The following PLG variants were observed in gnomAD, a reference collection of about 807,000 sequenced individuals.
PLG encodes the protein plasminogen.
PLG carries 41 observed loss-of-function variants against 104.4 expected under a neutral mutation model. The ratio of observed to expected loss-of-function variants is 0.39; its 90% confidence interval spans 0.31 to 0.51. The LOEUF (loss-of-function observed/expected upper bound fraction) is 0.51, where lower values mean the gene tolerates loss of function less well. Among genes scored for constraint, PLG ranks in the 20% least tolerant of loss-of-function variants. The pLI is 0.76. For synonymous variants in PLG, 337 were observed against 357.1 expected (o/e 0.94, Z 0.63); for missense variants, 891 against 1,003.6 (o/e 0.89, Z 1.52).
chr6:160,712,853 A>G (rs533408106), intron 4 of PLG, 133 bp from the exon 5 acceptor site: 8 of 746,238 alleles, frequency 1.1e-5, no homozygotes, highest in Non-Finnish European at 1.7e-5. Flanking sequence ...GACCACACAA[A>G]TGCTGCAGCA....
rs1778439730 is a variant in PLG, at chr6:160,753,274, TACTTA to T, written c.*218_*222del. ...TGACATTTGTTAAAAATAAACTCTG[TACTTA>T]ACTTTGATTTGAGTAAATTTTGGTT... On this transcript the variant is annotated 3_prime_UTR_variant, in exon 19 of 19. Transcript: ENST00000308192. This position sits in a 1 kb window ranked among gnomAD's most constrained non-coding sequence, Gnocchi z 5.4. 7 of 568,786 alleles carry T rather than the reference TACTTA, an allele frequency of 1.2e-5. No homozygotes were observed. Among genetic ancestry groups the T allele is most frequent in the Non-Finnish European group, 1.9e-5 (6 of 316,742 alleles). 35.2% of individuals were successfully genotyped at this position (568,786 alleles called of 1,614,324 possible). A position where few individuals can be genotyped will look rare whatever the true frequency, so the allele number is the denominator to read the frequency against.
rs775355610 is a variant in PLG at position 160,741,263 on chromosome 6, A to G, written c.2019-48A>G. 2 of 1,265,002 alleles carry G rather than the reference A, an allele frequency of 1.6e-6. No homozygotes were observed. Among genetic ancestry groups the G allele is most frequent in the Non-Finnish European group, 2.3e-6 (2 of 861,784 alleles). 78.4% of individuals were successfully genotyped at this position (1,265,002 alleles called of 1,614,324 possible). ...AGGGATGACTGGTTGTGGGTACTGC[A>G]GCTGCGAGCAGAGCAGTCAAACATA... On this transcript the variant is annotated intron_variant, in intron 16 of 18. Coordinates refer to ENST00000308192, the MANE Select transcript of PLG (RefSeq NM_000301.5). The surrounding 1 kb of genome is among the most constrained non-coding windows in gnomAD (Gnocchi z 4.7).
intron 10 of PLG, among the ~76,000 whole-genome samples, chr6:160,729,365 C>A (rs975698085): frequency 1.3e-4 from 20 of 152,116 alleles, no homozygotes; most frequent in Non-Finnish European, 2.5e-4. Context: ...CAAAAAACTG[C>A]AATTCTATTC....
In PLG at chr6:160,744,900, T is replaced by C. The variant is rs1030601895; in HGVS notation, c.2125+3483T>C. On this transcript the variant is annotated intron_variant, in intron 17 of 18. Transcript: ENST00000308192. This position sits in a 1 kb window ranked among gnomAD's most constrained non-coding sequence, Gnocchi z 4.5. ...AAGAACTTCCTGATTTCTGCCATAATTTCATTATTCACCCAAAAGTCATTC... is the reference window on the plus strand; with the variant it reads ...AAGAACTTCCTGATTTCTGCCATAACTTCATTATTCACCCAAAAGTCATTC... Among the ~76,000 whole-genome samples, 1 of 152,228 alleles carries C rather than the reference T, an allele frequency of 6.6e-6. No individual in the cohort carries two copies. The highest frequency in any genetic ancestry group is 1.5e-5 in the Non-Finnish European group (1 of 68,022).
Position 160,738,298 on chromosome 6 carries a change from A to G in PLG, c.1803-240A>G. The G allele has an allele frequency of 1.9e-6, 1 of 525,616 alleles. No individual in the cohort carries two copies. The highest frequency in any genetic ancestry group is 3.5e-6 in the Non-Finnish European group (1 of 286,320). The allele number at this position is 525,616 out of a possible 1,614,324, so 32.6% of individuals were successfully genotyped here. On this transcript the variant is annotated intron_variant, in intron 14 of 18. Coordinates refer to ENST00000308192, the MANE Select transcript of PLG (RefSeq NM_000301.5). This position sits in a 1 kb window ranked among gnomAD's most constrained non-coding sequence, Gnocchi z 6.8. ...TACTTAGCTTTGCTCTCCTGTGGAC[A>G]GGCCATGCCTGTGCCTCCCCCAAGC...
At position 160,744,206 on chromosome 6, in the gene PLG, G is replaced by GA. The variant is rs1778243189; in HGVS notation, c.2125+2789_2125+2790insA. 6.6e-6 allele frequency among the ~76,000 whole-genome samples: 1 copy of GA among 152,066 alleles called. No individual in the cohort carries two copies. Among genetic ancestry groups the GA allele is most frequent in the South Asian group, 2.1e-4 (1 of 4,830 alleles). ...ATTGGAGAGGAGACCCTCCTCCTCA[G>GA]TTTTTTTGAACGGTTTCAGTAGGAA... On this transcript the variant is annotated intron_variant, in intron 17 of 18. Transcript: ENST00000308192. This position sits in a 1 kb window ranked among gnomAD's most constrained non-coding sequence, Gnocchi z 4.5.
At chr6:160,704,912 T>C (rs1258167239) in intron 1 of PLG, among the ~76,000 whole-genome samples, 1 of 152,198 alleles carries the variant, frequency 6.6e-6, no homozygotes, top group Non-Finnish European at 1.5e-5. Flanking sequence ...TCCTACTGGA[T>C]ACTTGTCATC....
chr6:160,748,474 A>AG (rs869202512), intron 17 of PLG, among the ~76,000 whole-genome samples: 93 of 41,636 alleles, frequency 2.2e-3, no homozygotes, highest in Middle Eastern at 0.014. Context: ...GGAGGGAGGG[A>AG]GGAAGGGTGG....
At chr6:160,712,651 A>G (rs1434055732) in intron 4 of PLG, among the ~76,000 whole-genome samples, 2 of 152,234 alleles carry the variant, frequency 1.3e-5, no homozygotes, top group Admixed American at 1.3e-4. Flanking sequence ...AAATTTTTAC[A>G]GAGAAAACGG....
chr6:160,706,460 A>G lies in PLG; in HGVS notation c.103A>G (p.Ser35Gly), dbSNP rs760167202. ...GAATACCCAGGGGGCTTCACTGTTC[A>G]GTGTCACTAAGAAGCAGCTGGGAGC... is the stretch of plus-strand genomic sequence containing the variant. The part of the protein sequence containing the change: ...YVNTQGASLF[S>G]VTKKQLGAGS... Residue 35 changes from serine (S) to glycine (G), a missense_variant, in exon 2 of 19, where the codon AGT (serine) becomes GGT (glycine). Ser to Gly is a moderately conservative substitution (Grantham distance 56). Around this residue, in one of 2 missense-constraint regions of PLG, gnomAD observed 854 missense variants for 932.1 expected, o/e 0.92. Coordinates refer to ENST00000308192, the MANE Select transcript of PLG (RefSeq NM_000301.5). The G allele has an allele frequency of 6.8e-6, 11 of 1,613,810 alleles. No homozygotes were observed. The East Asian group carries it at 2.5e-4, about 36-fold the overall frequency.
In PLG at chr6:160,738,998, A is replaced by T; in HGVS notation, c.1878-70A>T. ...CAAGGGTGTCAGGGAGACAGCACCA[A>T]TTTCATGGCACAGAGGTTACCTGAA... is the stretch of plus-strand genomic sequence containing the variant. On this transcript the variant is annotated intron_variant, in intron 15 of 18. Transcript: ENST00000308192. This position sits in a 1 kb window ranked among gnomAD's most constrained non-coding sequence, Gnocchi z 6.8. 1 of 1,595,598 alleles carries T rather than the reference A, an allele frequency of 6.3e-7. No individual in the cohort carries two copies. The highest frequency in any genetic ancestry group is 8.6e-7 in the Non-Finnish European group (1 of 1,163,818).
rs1056458719 is a variant in PLG at position 160,737,899 on chromosome 6, G to A, written c.1803-639G>A. Among the ~76,000 whole-genome samples, 1 of 152,008 alleles carries A rather than the reference G, an allele frequency of 6.6e-6. No homozygotes were observed. Among genetic ancestry groups the A allele is most frequent in the Non-Finnish European group, 1.5e-5 (1 of 67,996 alleles). The stretch of plus-strand genomic sequence containing the variant: ...AGATTCATTCTTTCCTAAACTATGT[G>A]GTGGTCTACGTCCTCACTGACTTAT... On this transcript the variant is annotated intron_variant, in intron 14 of 18. Coordinates refer to ENST00000308192, the MANE Select transcript of PLG (RefSeq NM_000301.5). The surrounding 1 kb of genome is among the most constrained non-coding windows in gnomAD (Gnocchi z 4.7).
chr6:160,736,698 A>G lies in PLG; in HGVS notation c.1682-189A>G, dbSNP rs530267317. On this transcript the variant is annotated intron_variant, in intron 13 of 18. Coordinates refer to ENST00000308192, the MANE Select transcript of PLG (RefSeq NM_000301.5). The surrounding 1 kb of genome is among the most constrained non-coding windows in gnomAD (Gnocchi z 5.2). ...TTACAAAGTGCTTATATTTTCTTGA[A>G]AAGAGAGGGTCCTGTGTTGTCTACT... Among the ~76,000 whole-genome samples, 8 of 152,332 alleles carry G rather than the reference A, an allele frequency of 5.3e-5. No individual in the cohort carries two copies. The East Asian group carries it at 1.3e-3, about 26-fold the overall frequency.
At chr6:160,748,856 A>G (rs1286061730) in intron 17 of PLG, among the ~76,000 whole-genome samples, 1 of 152,182 alleles carries the variant, frequency 6.6e-6, no homozygotes, top group Non-Finnish European at 1.5e-5. Flanking sequence ...CACTCTCCCC[A>G]TTACACAAAC....
At position 160,708,292 on chromosome 6, in the gene PLG, G is replaced by A. The variant is rs543400233; in HGVS notation, c.292+486G>A. Reference sequence around the variant, plus strand: ...TACTCTTAAATTTTTCACATTTTGGGGGACATGGTCTATATTTTTCTCAGA... The same window carrying A: ...TACTCTTAAATTTTTCACATTTTGGAGGACATGGTCTATATTTTTCTCAGA... On this transcript the variant is annotated intron_variant, in intron 3 of 18. Coordinates refer to ENST00000308192, the MANE Select transcript of PLG (RefSeq NM_000301.5). The A allele has an allele frequency of 1.0e-4, 16 of 154,204 alleles. 1 individual carries two copies. Among genetic ancestry groups the A allele is most frequent in the Middle Eastern group, 3.4e-3 (1 of 296 alleles). 9.6% of individuals were successfully genotyped at this position (154,204 alleles called of 1,614,324 possible). A position where few individuals can be genotyped will look rare whatever the true frequency, so the allele number is the denominator to read the frequency against.
chr6:160,739,861 T>C lies in PLG; in HGVS notation c.2018+653T>C, dbSNP rs2115180700. ...CAGTTTATAAATGTAAATTATATTA[T>C]TATTATTGTCTTCTTTGATTTGATT... On this transcript the variant is annotated intron_variant, in intron 16 of 18. Coordinates refer to ENST00000308192, the MANE Select transcript of PLG (RefSeq NM_000301.5). This position sits in a 1 kb window ranked among gnomAD's most constrained non-coding sequence, Gnocchi z 4.4. Among the ~76,000 whole-genome samples, 1 of 152,198 alleles carries C rather than the reference T, an allele frequency of 6.6e-6. No homozygotes were observed. The highest frequency in any genetic ancestry group is 2.4e-5 in the African/African-American group (1 of 41,512).
rs926555698 is a variant in PLG at position 160,741,991 on chromosome 6, C to T, written c.2125+574C>T. Among the ~76,000 whole-genome samples the T allele has an allele frequency of 6.6e-6, 1 of 152,124 alleles. No homozygotes were observed. Among genetic ancestry groups the T allele is most frequent in the South Asian group, 2.1e-4 (1 of 4,828 alleles). On this transcript the variant is annotated intron_variant, in intron 17 of 18. Coordinates refer to ENST00000308192, the MANE Select transcript of PLG (RefSeq NM_000301.5). This position sits in a 1 kb window ranked among gnomAD's most constrained non-coding sequence, Gnocchi z 4.7. ...TTCATGTTCCTGTAAAAGATATTAC[C>T]TCATTCTTTCTTATGGCTAAACAGT...
At chr6:160,750,914 C>T (rs991863014) in intron 17 of PLG, among the ~76,000 whole-genome samples, 12 of 152,258 alleles carry the variant, frequency 7.9e-5, no homozygotes, top group Non-Finnish European at 1.8e-4. Flanking sequence ...ATTTTGCAGA[C>T]ATTCTATTTC....
In PLG at chr6:160,739,677, C is replaced by T. The variant is rs1301545700; in HGVS notation, c.2018+469C>T. Among the ~76,000 whole-genome samples, 1 of 151,150 alleles carries T rather than the reference C, an allele frequency of 6.6e-6. No individual in the cohort carries two copies. The highest frequency in any genetic ancestry group is 1.5e-5 in the Non-Finnish European group (1 of 67,868). ...TTGGGAGGCTGAGGCAGGAGGGTCA[C>T]TTGAGTCCCGGAGTTTGAGGCTGCA... is the stretch of plus-strand genomic sequence containing the variant. On this transcript the variant is annotated intron_variant, in intron 16 of 18. Coordinates refer to ENST00000308192, the MANE Select transcript of PLG (RefSeq NM_000301.5). This position sits in a 1 kb window ranked among gnomAD's most constrained non-coding sequence, Gnocchi z 4.4.
Sources: allele counts gnomAD v4.1 joint callset (sites outside exome capture counted in the v4.1 genomes callset), GRCh38; gene constraint gnomAD v4.1.1; regional missense constraint gnomAD v4.1.1; non-coding constraint Gnocchi (gnomAD v3.1); transcripts MANE v1.5; gene names NCBI Gene and HGNC (gene_info 2026-07-23, HGNC 2026-07-21).